Variants in DCDC2 observed in about 807,000 individuals in gnomAD.
DCDC2 encodes the protein doublecortin domain containing 2.
In DCDC2, 40 loss-of-function variants were observed where a neutral mutation model predicts 50.2. The ratio of observed to expected loss-of-function variants is 0.80; its 90% confidence interval spans 0.62 to 1.04. The LOEUF (loss-of-function observed/expected upper bound fraction) is 1.04, where lower values mean the gene tolerates loss of function less well. Among genes scored for constraint, DCDC2 ranks in the 50% least tolerant of loss-of-function variants. The probability of loss-of-function intolerance (pLI) is 0.00; values close to 1 mark genes in which losing one functional copy is unlikely to be tolerated. For synonymous variants in DCDC2, 234 were observed against 210.6 expected, an observed-to-expected ratio of 1.11 and a Z score of -0.96; for missense variants, 570 against 581.9, an observed-to-expected ratio of 0.98 and a Z score of 0.21.
At chr6:24,198,065 C>T (rs1166000392) in intron 8 of DCDC2, among the ~76,000 whole-genome samples, 1 of 152,014 alleles carries the variant, frequency 6.6e-6, no homozygotes, top group East Asian at 1.9e-4. Flanking sequence ...TTCTACTGGC[C>T]TAAGAAAGAA....
At chr6:24,379,309 C>T in the DCDC2 span, among the ~76,000 whole-genome samples, 1 of 152,042 alleles carries the variant, frequency 6.6e-6, no homozygotes, top group South Asian at 2.1e-4. Context: ...GGGCTAATAT[C>T]CAGAATCTAC....
intron 7 of DCDC2, among the ~76,000 whole-genome samples, chr6:24,221,802 A>C (rs1762124561): frequency 6.6e-6 from 1 of 152,234 alleles, no homozygotes; most frequent in South Asian, 2.1e-4. Flanking sequence ...GCCAGGGGTA[A>C]GGCCCAAGTT....
In DCDC2 at chr6:24,301,827, G is replaced by A. The variant is rs200595563; in HGVS notation, c.445C>T (p.Leu149Phe). Residue 149 changes from leucine (L) to phenylalanine (F), a missense_variant, in exon 4 of 10, where the codon CTC (leucine) becomes TTC (phenylalanine). By Grantham distance (22) the Leu-to-Phe change is conservative. Coordinates refer to ENST00000378454, the MANE Select transcript of DCDC2 (RefSeq NM_016356.5). ...AGGAGGCGAGAAGCTGGGTTTATGAGGTCTCCATTTGCAATCAAGCTGGAA... is the reference window on the plus strand; with the variant it reads ...AGGAGGCGAGAAGCTGGGTTTATGAAGTCTCCATTTGCAATCAAGCTGGAA... ...CTIFLIANGD[L>F]INPASRLLIP... The A allele has an allele frequency of 1.5e-5, 24 of 1,614,126 alleles. No homozygotes were observed. The African/African-American group carries it at 2.8e-4, about 19-fold the overall frequency.
At chr6:24,358,888 TTTATATATATAATATATTATATATTA>T (rs1760552124), upstream of DCDC2, among the ~76,000 whole-genome samples, 1 of 14,886 alleles carries the variant, frequency 6.7e-5, no homozygotes, top group Non-Finnish European at 1.0e-4. Flanking sequence ...ATTATATATA[TTTATATATATAATATATTATATATTA>T]TATATATTAT....
At chr6:24,377,308 AACTG>A in the DCDC2 span, among the ~76,000 whole-genome samples, 2 of 152,212 alleles carry the variant, frequency 1.3e-5, no homozygotes, top group Non-Finnish European at 2.9e-5. Context: ...TCACCTCTGA[AACTG>A]ACTTGCTCAA....
At chr6:24,371,523 A>G in the DCDC2 span, among the ~76,000 whole-genome samples, 1 of 152,010 alleles carries the variant, frequency 6.6e-6, no homozygotes, top group African/African-American at 2.4e-5. Context: ...TGGGAGGCTC[A>G]CTTGAGACTG....
intron 7 of DCDC2, among the ~76,000 whole-genome samples, chr6:24,267,764 C>A (rs1763155990): frequency 6.6e-6 from 1 of 152,196 alleles, no homozygotes; most frequent in Non-Finnish European, 1.5e-5. Context: ...AACCAAAGGT[C>A]TGAGGACTCC....
At chr6:24,376,028 GA>G in the DCDC2 span, among the ~76,000 whole-genome samples, 19 of 149,162 alleles carry the variant, frequency 1.3e-4, no homozygotes, top group African/African-American at 4.4e-4. Flanking sequence ...GCATCTCCTG[GA>G]AAAAAAAAAA....
At chr6:24,263,210 A>G (rs1178970222) in intron 7 of DCDC2, among the ~76,000 whole-genome samples, 1 of 152,238 alleles carries the variant, frequency 6.6e-6, no homozygotes, top group Non-Finnish European at 1.5e-5. Context: ...CAGTAACCAA[A>G]GACTTAGATT....
Position 24,234,890 on chromosome 6 carries a change from A to G in DCDC2, c.923-29788T>C, listed in dbSNP as rs575022947. Among the ~76,000 whole-genome samples, 27 of 152,320 alleles carry G rather than the reference A, an allele frequency of 1.8e-4. No homozygotes were observed. The South Asian group carries it at 2.5e-3, about 14-fold the overall frequency. On this transcript the variant is annotated intron_variant, in intron 7 of 9. Transcript: ENST00000378454. ...AAAAATAATTAGATACCACATAGAT[A>G]GCACACTTGCCAAACACCCAGATTA... is the stretch of plus-strand genomic sequence containing the variant.
rs559347285 is a variant in DCDC2 at position 24,258,423 on chromosome 6, C to T, written c.922+19626G>A. 1.7e-4 allele frequency among the ~76,000 whole-genome samples: 26 copies of T among 152,184 alleles called. No homozygotes were observed. In the East Asian group the frequency reaches 2.1e-3, roughly 12 times the overall value. ...TGCACTTTTACAGAGTGCTAATTGG[C>T]GCATTTTACAAACCTCTGGCTAGCC... is the stretch of plus-strand genomic sequence containing the variant. On this transcript the variant is annotated intron_variant, in intron 7 of 9. Coordinates refer to ENST00000378454, the MANE Select transcript of DCDC2 (RefSeq NM_016356.5).
intron 7 of DCDC2, among the ~76,000 whole-genome samples, chr6:24,222,053 T>A (rs1023771390): frequency 3.9e-5 from 6 of 152,172 alleles, no homozygotes; most frequent in Admixed American, 2.0e-4. Flanking sequence ...GGTGGAGAGA[T>A]GGCAGGGGCA....
intron 7 of DCDC2, among the ~76,000 whole-genome samples, chr6:24,252,843 T>A (rs1241850266): frequency 2.6e-5 from 4 of 152,216 alleles, no homozygotes; most frequent in Non-Finnish European, 5.9e-5. Flanking sequence ...AAATTATTTA[T>A]GTTCACTCAC....
chr6:24,286,080 C>A (rs1415474424), intron 6 of DCDC2, among the ~76,000 whole-genome samples: 1 of 152,168 alleles, frequency 6.6e-6, no homozygotes, highest in Non-Finnish European at 1.5e-5. Context: ...CTGAAATATT[C>A]TTCTCACTCC....
intron 7 of DCDC2, among the ~76,000 whole-genome samples, chr6:24,238,583 G>A (rs1280457650): frequency 6.6e-6 from 1 of 152,116 alleles, no homozygotes; most frequent in Non-Finnish European, 1.5e-5. Flanking sequence ...ACAGGTGTGA[G>A]CCACTGCACC....
chr6:24,329,673 G>C (rs1357462892), intron 2 of DCDC2, among the ~76,000 whole-genome samples: 2 of 151,066 alleles, frequency 1.3e-5, no homozygotes, highest in Admixed American at 6.6e-5. Flanking sequence ...GGCCTAGCTT[G>C]CTTTGTGCCT....
At position 24,214,243 on chromosome 6, in the gene DCDC2, T is replaced by G. The variant is rs1489298280; in HGVS notation, c.923-9141A>C. On this transcript the variant is annotated intron_variant, in intron 7 of 9. Transcript: ENST00000378454. ...TGTATACATTTGACTATTAACTGTT[T>G]GCATAGAATTGATTTTAATCACCAC... Among the ~76,000 whole-genome samples the G allele has an allele frequency of 1.3e-5, 2 of 152,214 alleles. 1 individual carries two copies. Among genetic ancestry groups the G allele is most frequent in the East Asian group, 3.8e-4 (2 of 5,204 alleles).
chr6:24,280,362 C>G (rs536183776), intron 6 of DCDC2, among the ~76,000 whole-genome samples: 28 of 151,614 alleles, frequency 1.8e-4, no homozygotes, highest in African/African-American at 6.8e-4. Context: ...GTCACTGCAA[C>G]CAGGGGTTTT....
intron 2 of DCDC2, among the ~76,000 whole-genome samples, chr6:24,309,841 G>A (rs775935710): frequency 3.3e-5 from 5 of 152,070 alleles, no homozygotes; most frequent in Non-Finnish European, 7.4e-5. Context: ...ATATAAAGAC[G>A]TGAGTAGGCC....
Sources: gnomAD v4.1 joint callset for allele counts (sites outside exome capture counted in the v4.1 genomes callset) on GRCh38, gnomAD v4.1.1 for gene constraint, MANE v1.5 for transcripts, NCBI Gene and HGNC (gene_info 2026-07-23, HGNC 2026-07-21) for gene names.